NSMCE2: variants seen among roughly 807,000 people sequenced by gnomAD.
NSMCE2 encodes the protein E3 SUMO-protein ligase NSE2.
Under a neutral mutation model 23.8 loss-of-function variants are expected in NSMCE2, and 24 were observed. The observed-to-expected ratio is 1.01, with a 90% confidence interval of 0.73 to 1.42. NSMCE2 has a LOEUF of 1.42. NSMCE2 is among the 40% of genes most tolerant of loss of function. NSMCE2 has a pLI of 0.00. For missense variants in NSMCE2, 284 were observed against 296.5 expected (o/e 0.96, Z 0.31); for synonymous variants, 92 against 94.1 (o/e 0.98, Z 0.13).
At chr8:125,362,058 G>A (rs1324281777) in intron 7 of NSMCE2, among the ~76,000 whole-genome samples, 4 of 152,180 alleles carry the variant, frequency 2.6e-5, no homozygotes, top group Non-Finnish European at 5.9e-5. Flanking sequence ...GTGCTGCAGC[G>A]AAATGCTCTG....
chr8:125,098,808 T>G (rs10106942), intron 1 of NSMCE2, among the ~76,000 whole-genome samples: 7 of 148,988 alleles, frequency 4.7e-5, no homozygotes, highest in East Asian at 2.1e-4. Flanking sequence ...AGGGGTAGGG[T>G]GGGAGAGAAG....
chr8:125,363,558 G>C (rs1449896367), intron 7 of NSMCE2, among the ~76,000 whole-genome samples: 2 of 137,662 alleles, frequency 1.5e-5, no homozygotes, highest in Non-Finnish European at 3.1e-5. Context: ...GAGAGAGAGA[G>C]AGAGGGAGGG....
chr8:125,153,257 A>G (rs1390120783), intron 4 of NSMCE2, among the ~76,000 whole-genome samples: 4 of 152,156 alleles, frequency 2.6e-5, no homozygotes, highest in Non-Finnish European at 4.4e-5. Flanking sequence ...CTAACCTCAC[A>G]CTAGAATAGA....
chr8:125,326,425 G>T (rs764461251), intron 5 of NSMCE2, among the ~76,000 whole-genome samples: 17 of 151,602 alleles, frequency 1.1e-4, no homozygotes, highest in Non-Finnish European at 1.9e-4. Flanking sequence ...TTGTAGATAT[G>T]TATGTGTGTG....
intron 3 of NSMCE2, among the ~76,000 whole-genome samples, chr8:125,146,224 C>T (rs975013670): frequency 3.3e-5 from 5 of 152,096 alleles, no homozygotes; most frequent in East Asian, 3.9e-4. Flanking sequence ...ATGGAGGAGT[C>T]GGAGGTGCTT....
chr8:125,140,855 TG>T (rs1401837968), intron 3 of NSMCE2, among the ~76,000 whole-genome samples: 2 of 152,256 alleles, frequency 1.3e-5, no homozygotes, highest in East Asian at 3.9e-4. Context: ...ATATGTTGCC[TG>T]GGAAATGCTC....
chr8:125,099,704 G>A (rs1400620309), intron 1 of NSMCE2, among the ~76,000 whole-genome samples: 2 of 152,158 alleles, frequency 1.3e-5, no homozygotes, highest in Admixed American at 6.5e-5. Flanking sequence ...AGCAGTTGCA[G>A]TGGAGTGATA....
At chr8:125,215,302 T>G (rs1824529974) in intron 5 of NSMCE2, among the ~76,000 whole-genome samples, 1 of 149,830 alleles carries the variant, frequency 6.7e-6, no homozygotes, top group Non-Finnish European at 1.5e-5. Context: ...TTTGGTTTTT[T>G]GTTCTTGCGA....
chr8:125,251,977 A>G (rs1163924608), intron 5 of NSMCE2, among the ~76,000 whole-genome samples: 2 of 152,198 alleles, frequency 1.3e-5, no homozygotes, highest in Non-Finnish European at 2.9e-5. Context: ...GATTTACACA[A>G]TATCACTTTG....
At chr8:125,350,665 G>A (rs1156995182) in intron 5 of NSMCE2, among the ~76,000 whole-genome samples, 1 of 152,160 alleles carries the variant, frequency 6.6e-6, no homozygotes, top group Non-Finnish European at 1.5e-5. Context: ...GCTTGTGCAG[G>A]GAAACTCCCC....
intron 5 of NSMCE2, chr8:125,348,359 C>G (rs1239388378): frequency 6.6e-6 from 1 of 152,054 alleles, no homozygotes; most frequent in Non-Finnish European, 1.5e-5. Flanking sequence ...TTGAACTTTG[C>G]CATCCTGTGA....
intron 5 of NSMCE2, among the ~76,000 whole-genome samples, chr8:125,229,127 A>C (rs541859497): frequency 6.6e-5 from 10 of 152,320 alleles, no homozygotes; most frequent in African/African-American, 2.2e-4. Context: ...AGTCAGAAAA[A>C]AATGTTGCAG....
At chr8:125,293,224 C>G (rs1159716971) in intron 5 of NSMCE2, among the ~76,000 whole-genome samples, 1 of 152,186 alleles carries the variant, frequency 6.6e-6, no homozygotes, top group Non-Finnish European at 1.5e-5. Flanking sequence ...CCACCTTGCA[C>G]TCTCAGGGAT....
chr8:125,237,363 G>A (rs1351429604), intron 5 of NSMCE2, among the ~76,000 whole-genome samples: 1 of 152,138 alleles, frequency 6.6e-6, no homozygotes, highest in African/African-American at 2.4e-5. Context: ...CAGTTTTTCT[G>A]TCTCTAAAAC....
intron 4 of NSMCE2, among the ~76,000 whole-genome samples, chr8:125,171,856 C>T (rs997566717): frequency 7.9e-5 from 12 of 152,222 alleles, no homozygotes; most frequent in Admixed American, 2.0e-4. Flanking sequence ...TGGAAACGTT[C>T]TATATCTGCT....
chr8:125,173,891 T>G (rs533228427), intron 4 of NSMCE2, among the ~76,000 whole-genome samples: 1 of 152,288 alleles, frequency 6.6e-6, no homozygotes, highest in South Asian at 2.1e-4. Flanking sequence ...GATGCTGAAC[T>G]ACTGCGAGCT....
chr8:125,335,421 C>T (rs552044932), intron 5 of NSMCE2, among the ~76,000 whole-genome samples: 4 of 152,296 alleles, frequency 2.6e-5, no homozygotes, highest in African/African-American at 9.6e-5. Flanking sequence ...GTAACTTGCT[C>T]AAAAACACAG....
chr8:125,098,057 T>C (rs1003411327), intron 1 of NSMCE2, among the ~76,000 whole-genome samples: 1 of 152,128 alleles, frequency 6.6e-6, no homozygotes, highest in Non-Finnish European at 1.5e-5. Flanking sequence ...TGTAGAACAG[T>C]GGTCTTCAAA....
intron 5 of NSMCE2, among the ~76,000 whole-genome samples, chr8:125,297,033 T>C (rs930977275): frequency 6.6e-5 from 10 of 152,232 alleles, no homozygotes. Flanking sequence ...AAGTTATTCT[T>C]AGTCACTTAT....
Sources: allele counts gnomAD v4.1 joint callset (sites outside exome capture counted in the v4.1 genomes callset), GRCh38; gene constraint gnomAD v4.1.1; transcripts MANE v1.5; gene names NCBI Gene and HGNC (gene_info 2026-07-23, HGNC 2026-07-21).